Variants in CYP7B1 observed in about 807,000 individuals in gnomAD.
The protein encoded by CYP7B1 is cytochrome P450 7B1.
Under a neutral mutation model 42.7 loss-of-function variants are expected in CYP7B1, and 29 were observed. The ratio of observed to expected loss-of-function variants is 0.68; its 90% CI spans 0.51 to 0.93. The LOEUF (loss-of-function observed/expected upper bound fraction) is 0.93. Among genes scored for constraint, CYP7B1 ranks in the 40% least tolerant of loss-of-function variants. The pLI, the probability that CYP7B1 is intolerant of heterozygous loss-of-function variation, is 0.00. For synonymous variants in CYP7B1, 235 were observed against 218.2 expected (o/e 1.08, Z -0.68); for missense variants, 655 against 600.5 (o/e 1.09, Z -0.95).
intron 2 of CYP7B1, among the ~76,000 whole-genome samples, chr8:64,616,569 A>C (rs1237921737): frequency 6.6e-6 from 1 of 152,220 alleles, no homozygotes; most frequent in Non-Finnish European, 1.5e-5. Flanking sequence ...TGAACACTTT[A>C]AATATCCTTT....
At chr8:64,717,955 TTATAA>T (rs1258400374) in intron 1 of CYP7B1, among the ~76,000 whole-genome samples, 1 of 152,096 alleles carries the variant, frequency 6.6e-6, no homozygotes, top group East Asian at 1.9e-4. Context: ...ATCATTATAA[TTATAA>T]TATAGACATG....
chr8:64,717,899 A>G (rs935630684), intron 1 of CYP7B1, among the ~76,000 whole-genome samples: 2 of 151,374 alleles, frequency 1.3e-5, no homozygotes. Context: ...ACATTTTTCT[A>G]GCAAATCATT....
intron 1 of CYP7B1, among the ~76,000 whole-genome samples, chr8:64,741,608 G>A (rs913466623): frequency 2.0e-5 from 3 of 152,104 alleles, no homozygotes; most frequent in African/African-American, 7.2e-5. Flanking sequence ...ATGAGCCATC[G>A]TGCCCAGCCC....
At position 64,615,701 on chromosome 8, in the gene CYP7B1, A is replaced by G. The variant is rs763431470; in HGVS notation, c.840T>C (p.Leu280=). The G allele has an allele frequency of 6.2e-7, 1 of 1,613,428 alleles. No homozygotes were observed. The part of the protein sequence containing the change: ...VLEKYYVHED[L]EIGAHHLGFL... ...TTCAGAAGTTCTTACCTCCTATTTCAAGGTCCTCGTGCACATAATATTTCT... is the reference window on the plus strand; with the variant it reads ...TTCAGAAGTTCTTACCTCCTATTTCGAGGTCCTCGTGCACATAATATTTCT... Residue 280 remains leucine (L), a synonymous_variant, in exon 3 of 6, where the codon CTT becomes CTC. Coordinates refer to ENST00000310193, the MANE Select transcript of CYP7B1 (RefSeq NM_004820.5).
chr8:64,731,633 A>G (rs949691086), intron 1 of CYP7B1, among the ~76,000 whole-genome samples: 3 of 152,236 alleles, frequency 2.0e-5, no homozygotes, highest in African/African-American at 7.2e-5. Context: ...AAGGAGCTGA[A>G]TGTTAATCAC....
chr8:64,730,202 C>T (rs1424878607), intron 1 of CYP7B1, among the ~76,000 whole-genome samples: 2 of 152,118 alleles, frequency 1.3e-5, no homozygotes, highest in East Asian at 1.9e-4. Flanking sequence ...GATGGGACTA[C>T]AGGCACATGC....
At chr8:64,759,967 G>T in intron 1 of CYP7B1, among the ~76,000 whole-genome samples, 2 of 152,208 alleles carry the variant, frequency 1.3e-5, no homozygotes, top group Middle Eastern at 6.8e-3. Context: ...CAGAGAATAT[G>T]TTATAGAATT....
rs532268236 is a variant in CYP7B1, at chr8:64,592,883, G to A, written c.*3759C>T. On this transcript the variant is annotated 3_prime_UTR_variant, in exon 6 of 6. Transcript: ENST00000310193. Reference sequence around the variant, plus strand: ...CTTTTAACTGATTTGTCCAGGACATGTTTTTCTATTTGTAAATACTATTTA... The same window carrying A: ...CTTTTAACTGATTTGTCCAGGACATATTTTTCTATTTGTAAATACTATTTA... Among the ~76,000 whole-genome samples, 3 of 152,268 alleles carry A rather than the reference G, an allele frequency of 2.0e-5. No homozygotes were observed. The South Asian group carries it at 6.2e-4, about 32-fold the overall frequency.
chr8:64,750,141 G>C (rs1010738095), intron 1 of CYP7B1, among the ~76,000 whole-genome samples: 18 of 152,268 alleles, frequency 1.2e-4, no homozygotes, highest in African/African-American at 2.6e-4. Flanking sequence ...TCCTTTCAAG[G>C]CTTTTTTATT....
chr8:64,606,351 C>T (rs1418446864), intron 4 of CYP7B1, among the ~76,000 whole-genome samples: 3 of 152,240 alleles, frequency 2.0e-5, no homozygotes, highest in Non-Finnish European at 2.9e-5. Context: ...AAGGCTCGGC[C>T]TCCCATGTAC....
chr8:64,599,289 C>T (rs948756191), intron 5 of CYP7B1, among the ~76,000 whole-genome samples: 10 of 151,912 alleles, frequency 6.6e-5, no homozygotes, highest in East Asian at 3.9e-4. Context: ...CCTGGGTTCA[C>T]GCCATTCTCC....
At chr8:64,667,271 C>T (rs528593981) in intron 1 of CYP7B1, among the ~76,000 whole-genome samples, 5 of 152,216 alleles carry the variant, frequency 3.3e-5, no homozygotes, top group African/African-American at 1.2e-4. Flanking sequence ...TAAGTTTCCC[C>T]TAAGTAATTT....
chr8:64,677,914 G>T (rs747501324), intron 1 of CYP7B1, among the ~76,000 whole-genome samples: 2 of 151,770 alleles, frequency 1.3e-5, no homozygotes, highest in Non-Finnish European at 2.9e-5. Flanking sequence ...GCTGTTCATG[G>T]TTTCCTCCCA....
chr8:64,714,998 G>A (rs967841571), intron 1 of CYP7B1, among the ~76,000 whole-genome samples: 1 of 152,144 alleles, frequency 6.6e-6, no homozygotes. Context: ...AAACAGGGCA[G>A]GGCACTTCTG....
intron 1 of CYP7B1, among the ~76,000 whole-genome samples, chr8:64,763,195 G>T (rs1303123402): frequency 1.3e-5 from 2 of 152,194 alleles, no homozygotes; most frequent in Admixed American, 1.3e-4. Context: ...CTCCTGATCG[G>T]GCTAAAGGCT....
intron 1 of CYP7B1, among the ~76,000 whole-genome samples, chr8:64,769,064 A>G (rs1269584017): frequency 6.6e-6 from 1 of 152,242 alleles, no homozygotes; most frequent in East Asian, 1.9e-4. Context: ...TCACATTCTT[A>G]AAAATGTTTT....
At chr8:64,721,961 A>T (rs1807243223) in intron 1 of CYP7B1, among the ~76,000 whole-genome samples, 1 of 152,218 alleles carries the variant, frequency 6.6e-6, no homozygotes, top group East Asian at 1.9e-4. Flanking sequence ...GTTCTTGCTT[A>T]AAAATTTAAC....
At chr8:64,716,222 T>C (rs1807152379) in intron 1 of CYP7B1, among the ~76,000 whole-genome samples, 1 of 152,238 alleles carries the variant, frequency 6.6e-6, no homozygotes, top group Non-Finnish European at 1.5e-5. Context: ...TAAGAACTTC[T>C]TTGTGATATA....
chr8:64,705,947 A>G (rs1806992679), intron 1 of CYP7B1, among the ~76,000 whole-genome samples: 1 of 152,086 alleles, frequency 6.6e-6, no homozygotes, highest in Non-Finnish European at 1.5e-5. Flanking sequence ...TATTTAGAGC[A>G]TTTAACATTG....
Sources: gnomAD v4.1 joint callset for allele counts (sites outside exome capture counted in the v4.1 genomes callset) on GRCh38, gnomAD v4.1.1 for gene constraint, MANE v1.5 for transcripts, NCBI Gene and HGNC (gene_info 2026-07-23, HGNC 2026-07-21) for gene names.